Variants in FBXO48 observed in about 807,000 individuals in gnomAD.
The protein encoded by FBXO48 is F-box protein 48.
A neutral mutation model predicts 14.3 loss-of-function variants in FBXO48; 12 were observed. The ratio of observed to expected loss-of-function variants is 0.84; its 90% confidence interval spans 0.54 to 1.36. The LOEUF (loss-of-function observed/expected upper bound fraction) is 1.36, where lower values mean the gene tolerates loss of function less well. Among genes scored for constraint, FBXO48 ranks in the 40% most tolerant of loss-of-function variants. The pLI is 0.00. For missense variants in FBXO48, 177 were observed against 179.1 expected (o/e 0.99, Z 0.07); for synonymous variants, 53 against 61.7 (o/e 0.86, Z 0.66).
In FBXO48 at chr2:68,463,934, C is replaced by G. The variant is rs1172498819; in HGVS notation, c.*275G>C. The G allele has an allele frequency of 3.6e-6, 1 of 278,460 alleles. No individual in the cohort carries two copies. The highest frequency in any genetic ancestry group is 6.9e-6 in the Non-Finnish European group (1 of 144,564). The allele number at this position is 278,460 out of a possible 1,614,324, so 17.2% of individuals were successfully genotyped here. A position where few individuals can be genotyped will look rare whatever the true frequency, so the allele number is the denominator to read the frequency against. On this transcript the variant is annotated 3_prime_UTR_variant, in exon 4 of 4. Transcript: ENST00000377957. ...ATTTAGTATTGCAAATATATTAACACAAATACATGAAACATTGTATTTGGA... is the reference window on the plus strand; with the variant it reads ...ATTTAGTATTGCAAATATATTAACAGAAATACATGAAACATTGTATTTGGA...
rs1450881634 is a variant in FBXO48 at position 68,463,351 on chromosome 2, T to C, written c.*858A>G. Reference sequence around the variant, plus strand: ...TTTTAAAAGTTAAAATAAAGGTTCCTAAAAAGTTATAAACTTTAACAAAGA... The same window carrying C: ...TTTTAAAAGTTAAAATAAAGGTTCCCAAAAAGTTATAAACTTTAACAAAGA... On this transcript the variant is annotated 3_prime_UTR_variant, in exon 4 of 4. Coordinates refer to ENST00000377957, the MANE Select transcript of FBXO48 (RefSeq NM_001024680.3). The C allele has an allele frequency of 6.6e-6, 1 of 152,098 alleles. No homozygotes were observed. Among genetic ancestry groups the C allele is most frequent in the Non-Finnish European group, 1.5e-5 (1 of 68,008 alleles). 9.4% of individuals were successfully genotyped at this position (152,098 alleles called of 1,614,324 possible).
At position 68,463,906 on chromosome 2, in the gene FBXO48, T is replaced by TAA. The variant is rs1675328396; in HGVS notation, c.*302_*303insTT. ...TTAAGCTGAACATACAAATCACTCT[T>TAA]ACATTTAGTATTGCAAATATATTAA... On this transcript the variant is annotated 3_prime_UTR_variant, in exon 4 of 4. Coordinates refer to ENST00000377957, the MANE Select transcript of FBXO48 (RefSeq NM_001024680.3). 4.5e-6 allele frequency: 1 copy of TAA among 222,944 alleles called. No homozygotes were observed. Among genetic ancestry groups the TAA allele is most frequent in the African/African-American group, 2.3e-5 (1 of 43,874 alleles). The allele number at this position is 222,944 out of a possible 1,614,324, so 13.8% of individuals were successfully genotyped here.
At chr2:68,466,922 G>C (rs987562025) in intron 1 of FBXO48, among the ~76,000 whole-genome samples, 1 of 152,182 alleles carries the variant, frequency 6.6e-6, no homozygotes, top group Non-Finnish European at 1.5e-5. Flanking sequence ...CATTCGGAGG[G>C]ATAGATCGGC....
rs570785151 is a variant in FBXO48 at position 68,463,421 on chromosome 2, G to A, written c.*788C>T. 2 of 152,004 alleles carry A rather than the reference G, an allele frequency of 1.3e-5. No homozygotes were observed. The highest frequency in any genetic ancestry group is 4.2e-4 in the South Asian group (2 of 4,808). 9.4% of individuals were successfully genotyped at this position (152,004 alleles called of 1,614,324 possible). On this transcript the variant is annotated 3_prime_UTR_variant, in exon 4 of 4. Coordinates refer to ENST00000377957, the MANE Select transcript of FBXO48 (RefSeq NM_001024680.3). Reference sequence around the variant, plus strand: ...AGAATAACAGTTTTCTTTTTAATATGGAGAAAACAAAAAGGAGCTGAAAGT... The same window carrying A: ...AGAATAACAGTTTTCTTTTTAATATAGAGAAAACAAAAAGGAGCTGAAAGT...
rs1372685450 is a variant in FBXO48, at chr2:68,460,509, A to G, written c.*3700T>C. 3 of 150,618 alleles carry G rather than the reference A, an allele frequency of 2.0e-5. No individual in the cohort carries two copies. Among genetic ancestry groups the G allele is most frequent in the Non-Finnish European group, 1.5e-5 (1 of 67,812 alleles). 9.3% of individuals were successfully genotyped at this position (150,618 alleles called of 1,614,324 possible). On this transcript the variant is annotated 3_prime_UTR_variant, in exon 4 of 4. Coordinates refer to ENST00000377957, the MANE Select transcript of FBXO48 (RefSeq NM_001024680.3). ...AGTTTTGATTCAGGTGCTTATATAT[A>G]AACTATCTTTGGATATATCAAATAT...
chr2:68,462,276 A>G lies in FBXO48; in HGVS notation c.*1933T>C, dbSNP rs1257639096. 1 of 152,240 alleles carries G rather than the reference A, an allele frequency of 6.6e-6. No homozygotes were observed. The highest frequency in any genetic ancestry group is 2.4e-5 in the African/African-American group (1 of 41,454). 9.4% of individuals were successfully genotyped at this position (152,240 alleles called of 1,614,324 possible). A position where few individuals can be genotyped will look rare whatever the true frequency, so the allele number is the denominator to read the frequency against. ...ACAGATGCTATTCAGCAAAATGCTTATAGCTTTAATTTTTCCCATACTTTG... is the reference window on the plus strand; with the variant it reads ...ACAGATGCTATTCAGCAAAATGCTTGTAGCTTTAATTTTTCCCATACTTTG... On this transcript the variant is annotated 3_prime_UTR_variant, in exon 4 of 4. Transcript: ENST00000377957.
chr2:68,464,517 G>C, intron 3 of FBXO48, 147 bp from the exon 4 acceptor site: 1 of 686,634 alleles, frequency 1.5e-6, no homozygotes, highest in Non-Finnish European at 2.5e-6. Flanking sequence ...ATGTGTCTGT[G>C]TACGTGTGTG....
At chr2:68,466,624 A>T (rs920714775) in intron 1 of FBXO48, among the ~76,000 whole-genome samples, 154 bp from the exon 2 acceptor site, 6 of 152,200 alleles carry the variant, frequency 3.9e-5, no homozygotes, top group Non-Finnish European at 5.9e-5. Flanking sequence ...GGAAAACGTT[A>T]CAGTGCATTT....
At position 68,461,252 on chromosome 2, in the gene FBXO48, T is replaced by G. The variant is rs142294059; in HGVS notation, c.*2957A>C. 6.6e-6 allele frequency: 1 copy of G among 151,866 alleles called. No individual in the cohort carries two copies. The highest frequency in any genetic ancestry group is 1.5e-5 in the Non-Finnish European group (1 of 67,984). The allele number at this position is 151,866 out of a possible 1,614,324, so 9.4% of individuals were successfully genotyped here. On this transcript the variant is annotated 3_prime_UTR_variant, in exon 4 of 4. Transcript: ENST00000377957. ...TGCAATTGTTCTTTCCCCTGGTGGC[T>G]CCACATTCTCTTACTTAAGATCCGT... is the stretch of plus-strand genomic sequence containing the variant.
chr2:68,464,944 T>C lies in FBXO48; in HGVS notation c.202A>G (p.Thr68Ala). ...CATAAAGAGTCACTGTTTCTTATTG[T>C]GTCATTCCAGCTCCTGCATGTCAAT... Reference protein sequence around the residue: ...ASLTCRSWNDTIRNSDSLWKP... With the variant: ...ASLTCRSWNDAIRNSDSLWKP... Residue 68 changes from threonine to alanine, a missense_variant, in exon 3 of 4, where the codon ACA becomes GCA. Transcript: ENST00000377957. 2 of 1,614,060 alleles carry C rather than the reference T, an allele frequency of 1.2e-6. No individual in the cohort carries two copies. The highest frequency in any genetic ancestry group is 1.7e-5 in the Admixed American group (1 of 60,034).
rs1235814063 is a variant in FBXO48, at chr2:68,459,422, T to C, written c.*4787A>G. 2 of 152,208 alleles carry C rather than the reference T, an allele frequency of 1.3e-5. No individual in the cohort carries two copies. Among genetic ancestry groups the C allele is most frequent in the African/African-American group, 4.8e-5 (2 of 41,460 alleles). The allele number at this position is 152,208 out of a possible 1,614,324, so 9.4% of individuals were successfully genotyped here. ...TTCAATAATTCAAAATAATAAGTGA[T>C]ATTTTTGAGGTTAAGTTTATTTTCA... On this transcript the variant is annotated 3_prime_UTR_variant, in exon 4 of 4. Coordinates refer to ENST00000377957, the MANE Select transcript of FBXO48 (RefSeq NM_001024680.3).
Position 68,465,139 on chromosome 2 carries a change from T to A in FBXO48, c.7A>T (p.Lys3Ter). 6.2e-7 allele frequency: 1 copy of A among 1,603,170 alleles called. No homozygotes were observed. The highest frequency in any genetic ancestry group is 8.5e-7 in the Non-Finnish European group (1 of 1,174,296). The change falls in exon 3 of 4, where the codon AAA (lysine) becomes TAA (stop). Residue 3 changes from lysine (K) to a stop codon, truncating the protein, a stop_gained. Coordinates refer to ENST00000377957, the MANE Select transcript of FBXO48 (RefSeq NM_001024680.3). LOFTEE classifies it high-confidence loss of function. ...AAATTATTGTTTCTCTTGGAGTTTT[T>A]ATGCATAGCTTAATGTTTTAAGTTA... MH[K>*]NSKRNNNLRV...
In FBXO48 at chr2:68,462,381, A is replaced by T. The variant is rs1398448485; in HGVS notation, c.*1828T>A. 1 of 151,878 alleles carries T rather than the reference A, an allele frequency of 6.6e-6. No individual in the cohort carries two copies. Among genetic ancestry groups the T allele is most frequent in the Non-Finnish European group, 1.5e-5 (1 of 67,986 alleles). The allele number at this position is 151,878 out of a possible 1,614,324, so 9.4% of individuals were successfully genotyped here. A position where few individuals can be genotyped will look rare whatever the true frequency, so the allele number is the denominator to read the frequency against. ...TCTTTCTTCCTTTTTTTTTGAGACG[A>T]AGTTTCACTCTTGTTGCCCAGGCTG... is the stretch of plus-strand genomic sequence containing the variant. On this transcript the variant is annotated 3_prime_UTR_variant, in exon 4 of 4. Transcript: ENST00000377957.
Position 68,463,366 on chromosome 2 carries a change from T to G in FBXO48, c.*843A>C, listed in dbSNP as rs1675315467. ...TAAAGGTTCCTAAAAAGTTATAAAC[T>G]TTAACAAAGACAAGTGTTAAGGATT... On this transcript the variant is annotated 3_prime_UTR_variant, in exon 4 of 4. Transcript: ENST00000377957. 6.6e-6 allele frequency: 1 copy of G among 152,136 alleles called. No individual in the cohort carries two copies. 9.4% of individuals were successfully genotyped at this position (152,136 alleles called of 1,614,324 possible). A position where few individuals can be genotyped will look rare whatever the true frequency, so the allele number is the denominator to read the frequency against.
rs1256269569 is a variant in FBXO48, at chr2:68,461,722, G to C, written c.*2487C>G. The stretch of plus-strand genomic sequence containing the variant: ...ATCCTTGGACTAAACACGGAGGCTG[G>C]GAAAAACAGGATAATGTAAAAAAAA... On this transcript the variant is annotated 3_prime_UTR_variant, in exon 4 of 4. Transcript: ENST00000377957. The C allele has an allele frequency of 6.6e-6, 1 of 151,408 alleles. No homozygotes were observed. Among genetic ancestry groups the C allele is most frequent in the Non-Finnish European group, 1.5e-5 (1 of 68,030 alleles). 9.4% of individuals were successfully genotyped at this position (151,408 alleles called of 1,614,324 possible). A position where few individuals can be genotyped will look rare whatever the true frequency, so the allele number is the denominator to read the frequency against.
Position 68,463,420 on chromosome 2 carries a change from T to C in FBXO48, c.*789A>G, listed in dbSNP as rs1045732115. ...TAGAATAACAGTTTTCTTTTTAATA[T>C]GGAGAAAACAAAAAGGAGCTGAAAG... On this transcript the variant is annotated 3_prime_UTR_variant, in exon 4 of 4. Transcript: ENST00000377957. 2.0e-5 allele frequency: 3 copies of C among 152,048 alleles called. No individual in the cohort carries two copies. The highest frequency in any genetic ancestry group is 1.5e-5 in the Non-Finnish European group (1 of 68,004). The allele number at this position is 152,048 out of a possible 1,614,324, so 9.4% of individuals were successfully genotyped here.
At chr2:68,464,414 T>C (rs1675343833) in intron 3 of FBXO48, 44 bp from the exon 4 acceptor site, 1 of 1,585,826 alleles carries the variant, frequency 6.3e-7, no homozygotes, top group Non-Finnish European at 8.6e-7. Flanking sequence ...TAGTAGGTGG[T>C]TGGTTAGTGA....
chr2:68,460,691 T>C lies in FBXO48; in HGVS notation c.*3518A>G, dbSNP rs904642539. On this transcript the variant is annotated 3_prime_UTR_variant, in exon 4 of 4. Coordinates refer to ENST00000377957, the MANE Select transcript of FBXO48 (RefSeq NM_001024680.3). Reference sequence around the variant, plus strand: ...TGGTAGCTGACATAGGAGTTGTAGATGGGATCACCAAGGATGTTAGAGTAT... The same window carrying C: ...TGGTAGCTGACATAGGAGTTGTAGACGGGATCACCAAGGATGTTAGAGTAT... 86 of 152,108 alleles carry C rather than the reference T, an allele frequency of 5.7e-4. No individual in the cohort carries two copies. The highest frequency in any genetic ancestry group is 2.0e-3 in the African/African-American group (81 of 41,402). The allele number at this position is 152,108 out of a possible 1,614,324, so 9.4% of individuals were successfully genotyped here.
chr2:68,464,461 GA>G (rs1225543386), intron 3 of FBXO48, 91 bp from the exon 4 acceptor site: 2 of 1,078,334 alleles, frequency 1.9e-6, no homozygotes, highest in Non-Finnish European at 2.8e-6. Context: ...TGACAGGGCT[GA>G]AAAAAAGAGT....
Sources: allele counts gnomAD v4.1 joint callset (sites outside exome capture counted in the v4.1 genomes callset), GRCh38; gene constraint gnomAD v4.1.1; transcripts MANE v1.5; gene names NCBI Gene and HGNC (gene_info 2026-07-23, HGNC 2026-07-21).